ZBED1: variants seen among roughly 807,000 people sequenced by gnomAD.
ZBED1 encodes the protein E3 SUMO-protein ligase ZBED1.
A neutral mutation model predicts 49.7 loss-of-function variants in ZBED1; 19 were observed. The observed-to-expected ratio is 0.38, with a 90% CI of 0.27 to 0.56. The LOEUF is 0.56. Among genes scored for constraint, ZBED1 ranks in the 20% least tolerant of loss-of-function variants. ZBED1 has a pLI of 0.70. For synonymous variants in ZBED1, 439 were observed against 440.3 expected (o/e 1.00, Z 0.04); for missense variants, 806 against 972.6 (o/e 0.83, Z 2.28).
chrX:2,496,625 C>T (rs1031847693), intron 1 of ZBED1, among the ~76,000 whole-genome samples: 4 of 152,046 alleles, frequency 2.6e-5, no homozygotes, highest in Non-Finnish European at 5.9e-5. Context: ...TCCCCAATAA[C>T]CTATGGAAAT....
In ZBED1 at chrX:2,490,748, ACGGCTGCTCATGCGTGGGG is replaced by A; in HGVS notation, c.-48_-30del. ...TTCTCCACCGGAGCCTGCCTGCTGGACGGCTGCTCATGCGTGGGGACCTGCTGAGAAGGGCCAAGACAAA... is the reference window on the plus strand; with the variant it reads ...TTCTCCACCGGAGCCTGCCTGCTGGAACCTGCTGAGAAGGGCCAAGACAAA... On this transcript the variant is annotated 5_prime_UTR_variant, in exon 2 of 2. The change abolishes an upstream ATG in the 5' untranslated region. Transcript: ENST00000652001. 3 of 1,597,854 alleles carry A rather than the reference ACGGCTGCTCATGCGTGGGG, an allele frequency of 1.9e-6. No homozygotes were observed. Among genetic ancestry groups the A allele is most frequent in the Non-Finnish European group, 2.6e-6 (3 of 1,171,094 alleles).
intron 1 of ZBED1, among the ~76,000 whole-genome samples, chrX:2,496,652 TAA>T (rs1230568734): frequency 6.6e-6 from 1 of 152,012 alleles, no homozygotes; most frequent in Non-Finnish European, 1.5e-5. Context: ...CAAAAATAGC[TAA>T]AAGAGATTTT....
At chrX:2,494,715 C>T (rs1159222892) in intron 1 of ZBED1, among the ~76,000 whole-genome samples, 1 of 151,752 alleles carries the variant, frequency 6.6e-6, no homozygotes, top group East Asian at 1.9e-4. Flanking sequence ...CTTATTATTA[C>T]TATTTGGCTG....
At chrX:2,496,118 AC>A (rs1246967508) in intron 1 of ZBED1, among the ~76,000 whole-genome samples, 3 of 152,238 alleles carry the variant, frequency 2.0e-5, no homozygotes, top group African/African-American at 7.2e-5. Flanking sequence ...GACCTACTGC[AC>A]AGCGTGGTGG....
chrX:2,487,720 C>G lies in ZBED1; in HGVS notation c.*915G>C. The G allele has an allele frequency of 6.6e-6, 1 of 152,236 alleles. No individual in the cohort carries two copies. The highest frequency in any genetic ancestry group is 2.1e-4 in the South Asian group (1 of 4,826). The allele number at this position is 152,236 out of a possible 1,614,324, so 9.4% of individuals were successfully genotyped here. On this transcript the variant is annotated 3_prime_UTR_variant, in exon 2 of 2. Coordinates refer to ENST00000652001, the MANE Select transcript of ZBED1 (RefSeq NM_001171136.2). ...GCAGCAACCTGTCGAAAATACAACA[C>G]ATTCCACACTTTTTTTTCTGTTTGC... is the stretch of plus-strand genomic sequence containing the variant.
rs771134379 is a variant in ZBED1 at position 2,489,180 on chromosome X, G to A, written c.1540C>T (p.Arg514Trp). Residue 514 changes from arginine to tryptophan, a missense_variant, in exon 2 of 2, where the codon CGG becomes TGG. Arg to Trp is a moderately radical substitution (Grantham distance 101). Transcript: ENST00000652001. ...GGGAAGATCTTGTCCTCAGCCGGCC[G>A]GTAGCCGCCGTCTTTGACCTTGTCC... is the stretch of plus-strand genomic sequence containing the variant. ...LLDKVKDGGY[R>W]PAEDKIFPVP... is the part of the protein sequence containing the mutation. 1.6e-5 allele frequency: 26 copies of A among 1,613,478 alleles called. No individual in the cohort carries two copies. Among genetic ancestry groups the A allele is most frequent in the African/African-American group, 2.7e-5 (2 of 74,920 alleles).
At chrX:2,492,100 A>G (rs2045164981) in intron 1 of ZBED1, among the ~76,000 whole-genome samples, 1 of 152,330 alleles carries the variant, frequency 6.6e-6, no homozygotes, top group East Asian at 1.9e-4. Flanking sequence ...TATTTCAATG[A>G]TGACTATAGT....
In ZBED1 at chrX:2,488,577, C is replaced by T; in HGVS notation, c.*58G>A. ...ACCAAGCTGACCGGGTAAGTATTTA[C>T]AGCAAAGCATCCAATGGGCTGCTGC... On this transcript the variant is annotated 3_prime_UTR_variant, in exon 2 of 2. Coordinates refer to ENST00000652001, the MANE Select transcript of ZBED1 (RefSeq NM_001171136.2). 2 of 1,526,856 alleles carry T rather than the reference C, an allele frequency of 1.3e-6. No homozygotes were observed. The highest frequency in any genetic ancestry group is 1.3e-5 in the South Asian group (1 of 76,688). The allele number at this position is 1,526,856 out of a possible 1,614,324, so 94.6% of individuals were successfully genotyped here. A position where few individuals can be genotyped will look rare whatever the true frequency, so the allele number is the denominator to read the frequency against.
At position 2,491,549 on chromosome X, in the gene ZBED1, C is replaced by T. The variant is rs772501676; in HGVS notation, c.-53-777G>A. On this transcript the variant is annotated intron_variant, in intron 1 of 1. Transcript: ENST00000652001. ...TCACAGCAGGACTCTCTGAATGCCA[C>T]CTGAGCTTCATTCACTGCATTAAAG... is the stretch of plus-strand genomic sequence containing the variant. Among the ~76,000 whole-genome samples the T allele has an allele frequency of 1.5e-4, 23 of 152,332 alleles. No individual in the cohort carries two copies. The South Asian group carries it at 3.5e-3, about 23-fold the overall frequency.
Position 2,488,415 on chromosome X carries a change from T to C in ZBED1, c.*220A>G, listed in dbSNP as rs1190903375. 3.6e-6 allele frequency: 2 copies of C among 553,986 alleles called. No homozygotes were observed. Among genetic ancestry groups the C allele is most frequent in the East Asian group, 6.5e-5 (2 of 30,994 alleles). The allele number at this position is 553,986 out of a possible 1,614,324, so 34.3% of individuals were successfully genotyped here. On this transcript the variant is annotated 3_prime_UTR_variant, in exon 2 of 2. Coordinates refer to ENST00000652001, the MANE Select transcript of ZBED1 (RefSeq NM_001171136.2). ...GTCTCGATCTCCTGACCTCAGCTGA[T>C]CTGCCCACCTCGGCCTCCCAAAGTG...
Position 2,496,522 on chromosome X carries a change from T to C in ZBED1, c.-54+4295A>G, listed in dbSNP as rs139920883. On this transcript the variant is annotated intron_variant, in intron 1 of 1. Transcript: ENST00000652001. ...CCCGCCAATAGAGATTTTAAATGTC[T>C]TGCGTGCAGTGTATACTGCTTGGGT... Among the ~76,000 whole-genome samples, 1,395 of 152,218 alleles carry C rather than the reference T, an allele frequency of 9.2e-3. 42 individuals are homozygous for C. Among genetic ancestry groups the C allele is most frequent in the East Asian group, 0.086 (446 of 5,182 alleles).
At chrX:2,491,019 G>T (rs2045124502) in intron 1 of ZBED1, among the ~76,000 whole-genome samples, 1 of 151,864 alleles carries the variant, frequency 6.6e-6, no homozygotes, top group Admixed American at 6.6e-5. Flanking sequence ...ACAGGTTTGC[G>T]AGTGAGCACG....
In ZBED1 at chrX:2,499,887, T is replaced by G. The variant is rs138664659; in HGVS notation, c.-54+930A>C. On this transcript the variant is annotated intron_variant, in intron 1 of 1. Transcript: ENST00000652001. Reference sequence around the variant, plus strand: ...TAGCAAGACCCCGTCTACAAAACTTTAAAACATTAGTCGGATGCAGTAGCT... The same window carrying G: ...TAGCAAGACCCCGTCTACAAAACTTGAAAACATTAGTCGGATGCAGTAGCT... 1.4e-3 allele frequency among the ~76,000 whole-genome samples: 215 copies of G among 152,012 alleles called. 1 individual carries two copies. The East Asian group carries it at 0.03, about 22-fold the overall frequency.
chrX:2,497,310 T>C (rs1478657867), intron 1 of ZBED1, among the ~76,000 whole-genome samples: 2 of 152,122 alleles, frequency 1.3e-5, no homozygotes, highest in Non-Finnish European at 2.9e-5. Context: ...GGAGAATCGC[T>C]TGAACCCGGG....
chrX:2,490,422 C>T lies in ZBED1; in HGVS notation c.298G>A (p.Glu100Lys). The T allele has an allele frequency of 6.2e-7, 1 of 1,613,948 alleles. No individual in the cohort carries two copies. The highest frequency in any genetic ancestry group is 8.5e-7 in the Non-Finnish European group (1 of 1,179,860). Residue 100 changes from glutamate to lysine, a missense_variant, in exon 2 of 2, where the codon GAG becomes AAG. By Grantham distance (56) the Glu-to-Lys change is moderately conservative (BLOSUM62 1). This residue lies in a region of ZBED1 where 749 missense variants were observed against 861.3 expected (regional missense o/e 0.87). Transcript: ENST00000652001. ...FATAFSKLKP[E>K]SSQQPGQDAL... ...TCCTGCCCGGGCTGCTGGGACGACT[C>T]GGGCTTCAGCTTGGAGAAGGCGGTG...
chrX:2,489,155 G>A lies in ZBED1; in HGVS notation c.1565C>T (p.Pro522Leu), dbSNP rs758219512. 1.6e-5 allele frequency: 26 copies of A among 1,613,412 alleles called. No homozygotes were observed. Among genetic ancestry groups the A allele is most frequent in the South Asian group, 1.4e-4 (13 of 91,072 alleles). Residue 522 changes from proline to leucine, a missense_variant, in exon 2 of 2, where the codon CCG becomes CTG. Pro to Leu is a moderately conservative substitution (Grantham distance 98). Around this residue, in one of 2 missense-constraint regions of ZBED1, gnomAD observed 749 missense variants for 861.3 expected, o/e 0.87. Transcript: ENST00000652001. ...CTTGACGGGAGGCTCCTCGGGCACC[G>A]GGAAGATCTTGTCCTCAGCCGGCCG... Reference protein sequence around the residue: ...GYRPAEDKIFPVPEEPPVKKL... With the variant: ...GYRPAEDKIFLVPEEPPVKKL...
chrX:2,500,079 T>C (rs183531217), intron 1 of ZBED1, among the ~76,000 whole-genome samples: 37 of 152,314 alleles, frequency 2.4e-4, no homozygotes, highest in African/African-American at 8.2e-4. Context: ...ACAGAAGTTA[T>C]CTGCATACAC....
chrX:2,500,513 T>C (rs180970931), intron 1 of ZBED1: 7,186 of 156,676 alleles, frequency 0.046, 412 homozygotes, highest in African/African-American at 0.14. Flanking sequence ...GGGGGCTGCT[T>C]GGTTGGAGCC....
chrX:2,493,708 G>A (rs2045215820), intron 1 of ZBED1, among the ~76,000 whole-genome samples: 1 of 152,068 alleles, frequency 6.6e-6, no homozygotes, highest in African/African-American at 2.4e-5. Flanking sequence ...AGCGGCTCAC[G>A]CCTGTACTCT....
Sources: allele counts gnomAD v4.1 joint callset (sites outside exome capture counted in the v4.1 genomes callset), GRCh38; gene constraint gnomAD v4.1.1; regional missense constraint gnomAD v4.1.1; transcripts MANE v1.5; gene names NCBI Gene and HGNC (gene_info 2026-07-23, HGNC 2026-07-21).